Variants in MS4A4A observed in about 807,000 individuals in gnomAD.
MS4A4A encodes the protein membrane spanning 4-domains A4A, also known as membrane-spanning 4-domains subfamily A member 4A.
Under a neutral mutation model 28.0 loss-of-function variants are expected in MS4A4A, and 26 were observed. The observed-to-expected ratio is 0.93, with a 90% CI of 0.68 to 1.29. The LOEUF is 1.29. Among genes scored for constraint, MS4A4A ranks in the 50% most tolerant of loss-of-function variants. MS4A4A has a pLI of 0.00. For missense variants in MS4A4A, 290 were observed against 293.1 expected, an observed-to-expected ratio of 0.99 and a Z score of 0.08; for synonymous variants, 86 against 100.8, an observed-to-expected ratio of 0.85 and a Z score of 0.88.
chr11:60,286,792 C>T (rs2084807031), intron 1 of MS4A4A, among the ~76,000 whole-genome samples: 1 of 152,206 alleles, frequency 6.6e-6, no homozygotes, highest in Admixed American at 6.5e-5. Context: ...TCTCTTACAG[C>T]ATCTGGTTAG....
intron 5 of MS4A4A, 171 bp from the exon 6 acceptor site, chr11:60,305,929 G>T: frequency 1.7e-6 from 1 of 585,330 alleles, no homozygotes; most frequent in Non-Finnish European, 3.0e-6. Context: ...TGAAAAAAGT[G>T]AGAAGCTACT....
intron 1 of MS4A4A, among the ~76,000 whole-genome samples, chr11:60,289,109 G>A (rs2084828687): frequency 6.6e-6 from 1 of 152,124 alleles, no homozygotes; most frequent in African/African-American, 2.4e-5. Context: ...AGATAGAGGT[G>A]TGCAATAGCT....
chr11:60,298,941 C>G (rs895686632), intron 3 of MS4A4A, among the ~76,000 whole-genome samples: 11 of 152,162 alleles, frequency 7.2e-5, no homozygotes, highest in Non-Finnish European at 1.2e-4. Flanking sequence ...AGTATAAGTA[C>G]CAATACCAAG....
At chr11:60,292,930 A>G in intron 2 of MS4A4A, among the ~76,000 whole-genome samples, 1 of 152,224 alleles carries the variant, frequency 6.6e-6, no homozygotes, top group East Asian at 1.9e-4. Context: ...AAACCACGGG[A>G]AAATGTCACT....
chr11:60,294,075 C>A (rs2084880909), intron 2 of MS4A4A, among the ~76,000 whole-genome samples: 2 of 152,184 alleles, frequency 1.3e-5, no homozygotes, highest in South Asian at 4.1e-4. Flanking sequence ...AGATTTCAAT[C>A]AACAGTCAAT....
At chr11:60,304,299 G>A (rs956993874) in intron 5 of MS4A4A, among the ~76,000 whole-genome samples, 2 of 152,216 alleles carry the variant, frequency 1.3e-5, no homozygotes, top group African/African-American at 4.8e-5. Flanking sequence ...CATGGGACCT[G>A]TGCAGTTACT....
intron 2 of MS4A4A, among the ~76,000 whole-genome samples, chr11:60,293,757 C>T (rs1045675740): frequency 9.2e-5 from 14 of 152,126 alleles, no homozygotes; most frequent in Admixed American, 7.9e-4. Flanking sequence ...CACCTAAATA[C>T]ATGCATTTAA....
At chr11:60,287,489 A>C (rs2084813242) in intron 1 of MS4A4A, among the ~76,000 whole-genome samples, 1 of 152,212 alleles carries the variant, frequency 6.6e-6, no homozygotes, top group African/African-American at 2.4e-5. Flanking sequence ...CCACCTCTTA[A>C]TACTGTTAAA....
chr11:60,286,531 T>G (rs2084805181), intron 1 of MS4A4A, among the ~76,000 whole-genome samples: 1 of 152,254 alleles, frequency 6.6e-6, no homozygotes, highest in African/African-American at 2.4e-5. Flanking sequence ...AGCCATGGCT[T>G]CAGCCGGTCC....
chr11:60,302,762 T>C (rs750455725), intron 5 of MS4A4A, 45 bp downstream of exon 5: 9 of 1,571,058 alleles, frequency 5.7e-6, no homozygotes, highest in African/African-American at 5.4e-5. Context: ...AGAAGCAAGT[T>C]TGGGGAGTGC....
chr11:60,287,874 C>T (rs1469564191), intron 1 of MS4A4A, among the ~76,000 whole-genome samples: 1 of 152,172 alleles, frequency 6.6e-6, no homozygotes, highest in Non-Finnish European at 1.5e-5. Context: ...GTCCAAAACC[C>T]AACCAAGAAA....
intron 2 of MS4A4A, among the ~76,000 whole-genome samples, chr11:60,295,420 A>G (rs1565146120): frequency 6.6e-6 from 1 of 152,076 alleles, no homozygotes. Flanking sequence ...CTACACAGAC[A>G]TCATGTCGTC....
rs1031845454 is a variant in MS4A4A, at chr11:60,308,661, A to G, written c.*483A>G. 5 of 152,878 alleles carry G rather than the reference A, an allele frequency of 3.3e-5. No individual in the cohort carries two copies. The highest frequency in any genetic ancestry group is 1.2e-4 in the African/African-American group (5 of 41,332). 9.5% of individuals were successfully genotyped at this position (152,878 alleles called of 1,614,324 possible). ...GTGCTTTTTCCTTCAGGAAGTGGAG[A>G]TGCATGGCCATCTCCCCCTCCCTTT... On this transcript the variant is annotated 3_prime_UTR_variant, in exon 7 of 7. Coordinates refer to ENST00000337908, the MANE Select transcript of MS4A4A (RefSeq NM_148975.3).
At chr11:60,306,058 A>G (rs779999437) in intron 5 of MS4A4A, 42 bp from the exon 6 acceptor site, 2 of 1,482,324 alleles carry the variant, frequency 1.3e-6, no homozygotes, top group Non-Finnish European at 1.9e-6. Flanking sequence ...TTCACTTGTC[A>G]TCTCCATTTC....
intron 5 of MS4A4A, among the ~76,000 whole-genome samples, chr11:60,303,828 G>T (rs757365141): frequency 6.6e-6 from 1 of 152,038 alleles, no homozygotes; most frequent in African/African-American, 2.4e-5. Context: ...CACGTTCTTC[G>T]CTTATGTAAA....
chr11:60,297,316 G>C lies in MS4A4A; in HGVS notation c.321G>C (p.Gly107=), dbSNP rs1297059434. The change falls in exon 3 of 7, where the codon GGG becomes GGC. Residue 107 remains glycine, a synonymous_variant. Coordinates refer to ENST00000337908, the MANE Select transcript of MS4A4A (RefSeq NM_148975.3). ...ISVYIGYTIW[G]SVMFIISGSL... ...TGTATATCGGGTACACAATTTGGGG[G>C]TCAGTAATGGTGAGTAGAGTATCTT... is the stretch of plus-strand genomic sequence containing the variant. 2 of 1,613,108 alleles carry C rather than the reference G, an allele frequency of 1.2e-6. No individual in the cohort carries two copies. The highest frequency in any genetic ancestry group is 1.7e-6 in the Non-Finnish European group (2 of 1,179,372).
chr11:60,290,115 T>G (rs569628881), intron 1 of MS4A4A: 1 of 445,926 alleles, frequency 2.2e-6, no homozygotes, highest in Non-Finnish European at 4.5e-6. Flanking sequence ...AGAGACTGAT[T>G]GCCTTCTAAA....
intron 1 of MS4A4A, among the ~76,000 whole-genome samples, chr11:60,286,536 C>T (rs553735434): frequency 5.3e-5 from 8 of 152,274 alleles, no homozygotes; most frequent in East Asian, 1.9e-4. Context: ...TGGCTTCAGC[C>T]GGTCCCTCCG....
chr11:60,299,045 C>T (rs2084928556), intron 3 of MS4A4A, among the ~76,000 whole-genome samples: 1 of 152,296 alleles, frequency 6.6e-6, no homozygotes, highest in Non-Finnish European at 1.5e-5. Flanking sequence ...ATAGTACATA[C>T]ATACTTTTTC....
Sources: gnomAD v4.1 joint callset for allele counts (sites outside exome capture counted in the v4.1 genomes callset) on GRCh38, gnomAD v4.1.1 for gene constraint, MANE v1.5 for transcripts, NCBI Gene and HGNC (gene_info 2026-07-23, HGNC 2026-07-21) for gene names.